Variants in EGFLAM observed in about 807,000 individuals in gnomAD.
EGFLAM encodes the protein pikachurin.
EGFLAM carries 79 observed loss-of-function variants against 113.1 expected under a neutral mutation model. That is an observed-to-expected ratio of 0.70 (90% CI 0.58 to 0.84). The LOEUF (loss-of-function observed/expected upper bound fraction) is 0.84, where lower values mean the gene tolerates loss of function less well. EGFLAM is among the 40% of genes least tolerant of loss of function. The pLI, the probability that EGFLAM is intolerant of heterozygous loss-of-function variation, is 0.00. For missense variants in EGFLAM, 1,265 were observed against 1,291.6 expected, an observed-to-expected ratio of 0.98 and a Z score of 0.32; for synonymous variants, 504 against 487.6, an observed-to-expected ratio of 1.03 and a Z score of -0.44.
At chr5:38,410,624 A>G (rs905364522) in intron 10 of EGFLAM, among the ~76,000 whole-genome samples, 4 of 152,164 alleles carry the variant, frequency 2.6e-5, no homozygotes, top group Non-Finnish European at 5.9e-5. Context: ...TTGGAAGTGG[A>G]CCAGAAAGGT....
chr5:38,345,891 C>T (rs1739461049), intron 3 of EGFLAM: 1 of 152,132 alleles, frequency 6.6e-6, no homozygotes, highest in Non-Finnish European at 1.5e-5. Context: ...CTACAAATTG[C>T]AAGGGTTATC....
At chr5:38,345,387 C>G (rs780983699) in intron 3 of EGFLAM, 2 of 152,222 alleles carry the variant, frequency 1.3e-5, no homozygotes, top group Non-Finnish European at 2.9e-5. Flanking sequence ...GTGAAGAAGG[C>G]AAGAGTCCTG....
At chr5:38,322,614 G>A (rs1475082746) in intron 1 of EGFLAM, among the ~76,000 whole-genome samples, 1 of 152,078 alleles carries the variant, frequency 6.6e-6, no homozygotes, top group Non-Finnish European at 1.5e-5. Context: ...CATTGACTAG[G>A]ACATGAGGAA....
chr5:38,426,973 A>T (rs750799484), intron 13 of EGFLAM, 36 bp from the exon 14 acceptor site: 1 of 1,609,174 alleles, frequency 6.2e-7, no homozygotes, highest in Non-Finnish European at 8.5e-7. Flanking sequence ...AGTTTCTGCC[A>T]CAGAGGGATT....
chr5:38,267,873 G>A, intron 1 of EGFLAM, among the ~76,000 whole-genome samples: 1 of 152,124 alleles, frequency 6.6e-6, no homozygotes, highest in Middle Eastern at 3.2e-3. Context: ...TCATTAATTA[G>A]CATAAATGAT....
At chr5:38,454,676 T>C (rs960919862) in intron 19 of EGFLAM, among the ~76,000 whole-genome samples, 11 of 152,318 alleles carry the variant, frequency 7.2e-5, no homozygotes, top group South Asian at 2.1e-4. Context: ...GGAGAGTGAA[T>C]TGTTCTACAG....
At chr5:38,303,214 C>G (rs1390902443) in intron 1 of EGFLAM, among the ~76,000 whole-genome samples, 3 of 152,196 alleles carry the variant, frequency 2.0e-5, no homozygotes, top group African/African-American at 7.2e-5. Context: ...TAGTATTCAT[C>G]ACTCTTCAAT....
chr5:38,420,734 C>A (rs1741794623), intron 12 of EGFLAM, among the ~76,000 whole-genome samples: 1 of 152,184 alleles, frequency 6.6e-6, no homozygotes, highest in African/African-American at 2.4e-5. Context: ...AATGGCATGG[C>A]AACCTCTGAC....
At chr5:38,338,831 C>T (rs754586644) in intron 3 of EGFLAM, 50 bp downstream of exon 3, 17 of 1,509,042 alleles carry the variant, frequency 1.1e-5, no homozygotes, top group South Asian at 4.5e-5. Flanking sequence ...GGGCACTATT[C>T]GGGCGGATTG....
intron 10 of EGFLAM, among the ~76,000 whole-genome samples, chr5:38,411,285 G>C (rs968364280): frequency 6.6e-6 from 1 of 151,804 alleles, no homozygotes; most frequent in Non-Finnish European, 1.5e-5. Flanking sequence ...AAAATTAGCC[G>C]GGTGTGGTGG....
At chr5:38,393,346 T>C (rs766812336) in intron 6 of EGFLAM, among the ~76,000 whole-genome samples, 5 of 152,092 alleles carry the variant, frequency 3.3e-5, no homozygotes, top group Non-Finnish European at 5.9e-5. Flanking sequence ...ATCAAATCTA[T>C]TACCCTCCTC....
At chr5:38,270,562 C>T (rs1757742151) in intron 1 of EGFLAM, among the ~76,000 whole-genome samples, 2 of 152,046 alleles carry the variant, frequency 1.3e-5, no homozygotes, top group South Asian at 2.1e-4. Flanking sequence ...ACAACCTACA[C>T]CCATAATACA....
chr5:38,259,480 T>G (rs926293262), intron 1 of EGFLAM, among the ~76,000 whole-genome samples: 1 of 152,316 alleles, frequency 6.6e-6, no homozygotes, highest in African/African-American at 2.4e-5. Context: ...GGACTGGGAA[T>G]TGGGGGAGAA....
At chr5:38,302,884 G>A (rs1024667693) in intron 1 of EGFLAM, among the ~76,000 whole-genome samples, 1 of 152,128 alleles carries the variant, frequency 6.6e-6, no homozygotes, top group African/African-American at 2.4e-5. Context: ...GTCTGAGTGA[G>A]GATTTCATGA....
chr5:38,457,395 G>T (rs1344589594), intron 19 of EGFLAM, among the ~76,000 whole-genome samples: 1 of 152,190 alleles, frequency 6.6e-6, no homozygotes, highest in Admixed American at 6.5e-5. Flanking sequence ...GTCTCAGGGA[G>T]AATCGGCTCC....
At chr5:38,280,355 C>T (rs1018553198) in intron 1 of EGFLAM, among the ~76,000 whole-genome samples, 16 of 152,224 alleles carry the variant, frequency 1.1e-4, no homozygotes, top group Non-Finnish European at 1.3e-4. Context: ...TCTTCTCTGC[C>T]CTGCTCAGTG....
intron 15 of EGFLAM, among the ~76,000 whole-genome samples, chr5:38,433,176 A>G (rs1245244923): frequency 1.3e-5 from 2 of 152,240 alleles, no homozygotes; most frequent in Admixed American, 1.3e-4. Flanking sequence ...CTTAGAGCTC[A>G]GAGACAGGTA....
At chr5:38,408,171 T>C (rs971656057) in intron 9 of EGFLAM, among the ~76,000 whole-genome samples, 6 of 152,206 alleles carry the variant, frequency 3.9e-5, no homozygotes, top group Non-Finnish European at 7.3e-5. Context: ...AGTGAGAATG[T>C]TGGGGTCCGA....
intron 1 of EGFLAM, among the ~76,000 whole-genome samples, chr5:38,262,198 G>A (rs1757515446): frequency 6.6e-6 from 1 of 152,214 alleles, no homozygotes; most frequent in South Asian, 2.1e-4. Flanking sequence ...CATCACCTGA[G>A]TCTCACCAGA....
Sources: gnomAD v4.1 joint callset for allele counts (sites outside exome capture counted in the v4.1 genomes callset) on GRCh38, gnomAD v4.1.1 for gene constraint, MANE v1.5 for transcripts, NCBI Gene and HGNC (gene_info 2026-07-23, HGNC 2026-07-21) for gene names.